Variants in TMEM62 observed in about 807,000 individuals in gnomAD.
TMEM62 encodes transmembrane protein 62.
Under a neutral mutation model 70.4 loss-of-function variants are expected in TMEM62, and 41 were observed. The observed-to-expected ratio is 0.58, with a 90% CI of 0.45 to 0.76. The LOEUF (loss-of-function observed/expected upper bound fraction) is 0.76. Among genes scored for constraint, TMEM62 ranks in the 30% least tolerant of loss-of-function variants. The pLI, the probability that TMEM62 is intolerant of heterozygous loss-of-function variation, is 0.00. For missense variants in TMEM62, 688 were observed against 788.5 expected (o/e 0.87, Z 1.53); for synonymous variants, 268 against 291.0 (o/e 0.92, Z 0.80).
chr15:43,173,855 CTTTTTTTTTT>C (rs751203696), intron 11 of TMEM62, among the ~76,000 whole-genome samples: 59 of 107,362 alleles, frequency 5.5e-4, no homozygotes, highest in African/African-American at 1.6e-3. Context: ...AATGCAGGAA[CTTTTTTTTTT>C]TTTTTTTTTT....
intron 9 of TMEM62, 140 bp downstream of exon 9, chr15:43,154,971 T>C (rs1009753819): frequency 1.3e-5 from 10 of 744,636 alleles, no homozygotes; most frequent in Admixed American, 1.3e-4. Flanking sequence ...CTCACGCCTG[T>C]AATCCCAGCA....
At chr15:43,170,847 G>A (rs991155507) in intron 11 of TMEM62, among the ~76,000 whole-genome samples, 1 of 152,180 alleles carries the variant, frequency 6.6e-6, no homozygotes, top group African/African-American at 2.4e-5. Context: ...AGTACCTTGA[G>A]CAGGGGAATA....
At chr15:43,183,859 G>A (rs1196718746) in intron 13 of TMEM62, among the ~76,000 whole-genome samples, 1 of 152,020 alleles carries the variant, frequency 6.6e-6, no homozygotes, top group Non-Finnish European at 1.5e-5. Context: ...TACTTATCAT[G>A]CTACCTCAAA....
intron 1 of TMEM62, 46 bp from the exon 2 acceptor site, chr15:43,134,211 C>T: frequency 1.3e-6 from 2 of 1,588,530 alleles, no homozygotes; most frequent in African/African-American, 2.7e-5. Flanking sequence ...CCCCATGCTG[C>T]CTCTTCCTGG....
At chr15:43,173,723 G>C (rs903710806) in intron 11 of TMEM62, among the ~76,000 whole-genome samples, 3 of 152,098 alleles carry the variant, frequency 2.0e-5, no homozygotes, top group African/African-American at 7.2e-5. Context: ...ATGAGCTCTT[G>C]CTTATCTGAA....
At chr15:43,135,454 A>G in intron 2 of TMEM62, 58 bp from the exon 3 acceptor site, 1 of 1,525,114 alleles carries the variant, frequency 6.6e-7, no homozygotes. Context: ...ATCTAAAAAA[A>G]ATGGAACCCC....
intron 9 of TMEM62, among the ~76,000 whole-genome samples, chr15:43,157,575 A>G (rs2038191545): frequency 6.6e-6 from 1 of 152,184 alleles, no homozygotes; most frequent in Non-Finnish European, 1.5e-5. Flanking sequence ...AATATACAAA[A>G]GAGATAATAT....
intron 11 of TMEM62, among the ~76,000 whole-genome samples, chr15:43,173,782 A>G (rs1246334306): frequency 1.3e-5 from 2 of 150,678 alleles, no homozygotes; most frequent in Non-Finnish European, 2.9e-5. Context: ...TTAGACAGCC[A>G]CTTTGCTTTA....
intron 11 of TMEM62, among the ~76,000 whole-genome samples, chr15:43,177,031 G>A (rs1365889240): frequency 1.3e-5 from 2 of 152,106 alleles, no homozygotes; most frequent in Non-Finnish European, 2.9e-5. Context: ...CGAGAACTAC[G>A]TGAAGAATGT....
chr15:43,148,182 A>G (rs1163713849), intron 5 of TMEM62, among the ~76,000 whole-genome samples: 1 of 152,158 alleles, frequency 6.6e-6, no homozygotes, highest in African/African-American at 2.4e-5. Context: ...TTTGTTCTAA[A>G]ATTTTGTATA....
At chr15:43,171,486 A>C (rs1229948519) in intron 11 of TMEM62, among the ~76,000 whole-genome samples, 1 of 151,754 alleles carries the variant, frequency 6.6e-6, no homozygotes, top group Non-Finnish European at 1.5e-5. Flanking sequence ...TATTTTCCCC[A>C]CTTTTATATT....
intron 11 of TMEM62, among the ~76,000 whole-genome samples, chr15:43,170,645 G>A (rs563103116): frequency 6.6e-6 from 1 of 152,148 alleles, no homozygotes; most frequent in South Asian, 2.1e-4. Context: ...TTGTTTCTTA[G>A]GTCAGTTCCC....
chr15:43,155,514 A>G (rs1183924571), intron 9 of TMEM62, among the ~76,000 whole-genome samples: 1 of 152,200 alleles, frequency 6.6e-6, no homozygotes, highest in African/African-American at 2.4e-5. Flanking sequence ...AATAAATAAA[A>G]ATAAAAATAA....
chr15:43,168,072 C>A (rs913543332), intron 10 of TMEM62, among the ~76,000 whole-genome samples: 5 of 150,666 alleles, frequency 3.3e-5, no homozygotes, highest in African/African-American at 9.7e-5. Context: ...GAGATGGCAG[C>A]GGTACAGTCC....
chr15:43,168,519 G>A (rs1044750680), intron 10 of TMEM62, among the ~76,000 whole-genome samples: 4 of 152,222 alleles, frequency 2.6e-5, no homozygotes, highest in African/African-American at 9.6e-5. Context: ...CCATCCAGGA[G>A]TGAGGGCCTG....
chr15:43,171,801 G>T (rs2040230837), intron 11 of TMEM62, among the ~76,000 whole-genome samples: 1 of 151,402 alleles, frequency 6.6e-6, no homozygotes, highest in Non-Finnish European at 1.5e-5. Flanking sequence ...CTAATTTTTT[G>T]CATTTTTAGT....
chr15:43,175,066 A>G (rs1316325916), intron 11 of TMEM62, among the ~76,000 whole-genome samples: 1 of 152,192 alleles, frequency 6.6e-6, no homozygotes, highest in East Asian at 1.9e-4. Context: ...TATTTTCTAA[A>G]AGTTCCCCTA....
Position 43,173,856 on chromosome 15 carries a change from T to C in TMEM62, c.1381+4179T>C, listed in dbSNP as rs1465197233. On this transcript the variant is annotated intron_variant, in intron 11 of 13. Transcript: ENST00000260403. ...CAGATAAGTTCCTCAATGCAGGAAC[T>C]TTTTTTTTTTTTTTTTTTTTTTAGA... Among the ~76,000 whole-genome samples the C allele has an allele frequency of 8.4e-5, 3 of 35,606 alleles. No individual in the cohort carries two copies. In the South Asian group the frequency reaches 3.6e-3, roughly 42 times the overall value. 23.4% of individuals were successfully genotyped at this position (35,606 alleles called of 152,430 possible). A position where few individuals can be genotyped will look rare whatever the true frequency, so the allele number is the denominator to read the frequency against.
chr15:43,134,250 T>G lies in TMEM62; in HGVS notation c.181-7T>G, dbSNP rs984356606. 6.2e-7 allele frequency: 1 copy of G among 1,613,666 alleles called. No homozygotes were observed. Among genetic ancestry groups the G allele is most frequent in the African/African-American group, 1.3e-5 (1 of 75,050 alleles). ...AGATCTCTCTGTTCAATACCTGTTT[T>G]CGGCAGATATCCGACATTCACCTGA... On this transcript the variant is annotated splice_region_variant and splice_polypyrimidine_tract_variant and intron_variant, in intron 1 of 13. Coordinates refer to ENST00000260403, the MANE Select transcript of TMEM62 (RefSeq NM_024956.4).
Sources: allele counts gnomAD v4.1 joint callset (sites outside exome capture counted in the v4.1 genomes callset), GRCh38; gene constraint gnomAD v4.1.1; transcripts MANE v1.5; gene names NCBI Gene and HGNC (gene_info 2026-07-23, HGNC 2026-07-21).